RNF150: variants seen among roughly 807,000 people sequenced by gnomAD.
RNF150 encodes ring finger protein 150.
Under a neutral mutation model 39.3 loss-of-function variants are expected in RNF150, and 24 were observed. That is an observed-to-expected ratio of 0.61 (90% CI 0.44 to 0.86). The LOEUF (loss-of-function observed/expected upper bound fraction) is 0.86. Among genes scored for constraint, RNF150 ranks in the 40% least tolerant of loss-of-function variants. The probability of loss-of-function intolerance (pLI) is 0.00; values close to 1 mark genes in which losing one functional copy is unlikely to be tolerated. For missense variants in RNF150, 502 were observed against 587.8 expected, an observed-to-expected ratio of 0.85 and a Z score of 1.51; for synonymous variants, 255 against 227.3, an observed-to-expected ratio of 1.12 and a Z score of -1.10.
At chr4:140,957,970 C>A (rs572643046) in intron 2 of RNF150, among the ~76,000 whole-genome samples, 1 of 151,658 alleles carries the variant, frequency 6.6e-6, no homozygotes, top group South Asian at 2.1e-4. Context: ...GTGTAGCGCA[C>A]CAGCATGGCA....
intron 1 of RNF150, among the ~76,000 whole-genome samples, chr4:140,974,014 T>G (rs1281766213): frequency 6.6e-6 from 1 of 152,018 alleles, no homozygotes; most frequent in African/African-American, 2.4e-5. Context: ...AAAATATAAT[T>G]AAGTAGATTA....
intron 1 of RNF150, among the ~76,000 whole-genome samples, chr4:141,195,117 C>CAT (rs1728180247): frequency 6.6e-6 from 1 of 151,860 alleles, no homozygotes; most frequent in African/African-American, 2.4e-5. Context: ...TACACACACA[C>CAT]ACACACACAC....
intron 2 of RNF150, among the ~76,000 whole-genome samples, chr4:140,960,880 G>GTA (rs1732993906): frequency 1.3e-5 from 2 of 152,094 alleles, no homozygotes; most frequent in South Asian, 2.1e-4. Context: ...CACTAAACGT[G>GTA]ACCCATTTAA....
rs1737257539 is a variant in RNF150, at chr4:141,062,175, A to T, written c.484+70150T>A. Among the ~76,000 whole-genome samples the T allele has an allele frequency of 2.0e-5, 3 of 152,264 alleles. No homozygotes were observed. In the South Asian group the frequency reaches 6.2e-4, roughly 32 times the overall value. The stretch of plus-strand genomic sequence containing the variant: ...ATCCATTATGCTCAGGTAACATAAG[A>T]TGTGGAAGAAACACTATATTCAAAT... On this transcript the variant is annotated intron_variant, in intron 1 of 6. Coordinates refer to ENST00000515673, the MANE Select transcript of RNF150 (RefSeq NM_020724.2).
chr4:141,072,000 A>G (rs2110952664), intron 1 of RNF150, among the ~76,000 whole-genome samples: 2 of 152,312 alleles, frequency 1.3e-5, no homozygotes, highest in Middle Eastern at 6.8e-3. Context: ...GTGCATATCA[A>G]TCACCCTGGA....
chr4:141,133,936 A>C (rs1384891798), upstream of RNF150, among the ~76,000 whole-genome samples: 7 of 152,170 alleles, frequency 4.6e-5, no homozygotes, highest in East Asian at 9.6e-4. Context: ...GTAGGGCCCC[A>C]AAAATATGCA....
chr4:140,900,833 TATAC>T (rs1560955612), intron 6 of RNF150, among the ~76,000 whole-genome samples: 2 of 152,062 alleles, frequency 1.3e-5, no homozygotes, highest in Admixed American at 1.3e-4. Flanking sequence ...TATATATATA[TATAC>T]ATATCGATTC....
chr4:141,042,235 G>A (rs1736399820), intron 1 of RNF150, among the ~76,000 whole-genome samples: 1 of 152,048 alleles, frequency 6.6e-6, no homozygotes, highest in African/African-American at 2.4e-5. Context: ...TTTACATTTG[G>A]AGATTGTAAG....
intron 6 of RNF150, among the ~76,000 whole-genome samples, chr4:140,904,170 C>T (rs1181548301): frequency 6.6e-6 from 1 of 152,134 alleles, no homozygotes; most frequent in Admixed American, 6.5e-5. Context: ...CTAGAGGGCT[C>T]AGAAGCAAGG....
intron 4 of RNF150, among the ~76,000 whole-genome samples, chr4:140,938,214 A>T (rs1731933810): frequency 6.6e-6 from 1 of 152,176 alleles, no homozygotes; most frequent in Non-Finnish European, 1.5e-5. Flanking sequence ...TTAAGGGGCT[A>T]GTGTCTTTTT....
At chr4:141,043,277 G>C (rs2110864757) in intron 1 of RNF150, among the ~76,000 whole-genome samples, 1 of 152,016 alleles carries the variant, frequency 6.6e-6, no homozygotes, top group East Asian at 1.9e-4. Flanking sequence ...GAAGGAGAGG[G>C]GTGGGCCACA....
At chr4:140,931,930 G>A (rs1437292460) in intron 4 of RNF150, among the ~76,000 whole-genome samples, 2 of 152,142 alleles carry the variant, frequency 1.3e-5, no homozygotes, top group Non-Finnish European at 2.9e-5. Flanking sequence ...ACCTATATGT[G>A]TGATTCCCTC....
chr4:141,088,135 T>A (rs1738437980), intron 1 of RNF150, among the ~76,000 whole-genome samples: 1 of 152,306 alleles, frequency 6.6e-6, no homozygotes, highest in Non-Finnish European at 1.5e-5. Flanking sequence ...CAAAAACTAC[T>A]TTTCATTTTC....
intron 1 of RNF150, among the ~76,000 whole-genome samples, chr4:141,175,684 TTTAG>T (rs1454995721): frequency 6.6e-6 from 1 of 152,208 alleles, no homozygotes; most frequent in Non-Finnish European, 1.5e-5. Context: ...TACTGAATGT[TTTAG>T]TTAGGGCTAC....
At chr4:140,999,942 A>AAGAAGAAG (rs1553935621) in intron 1 of RNF150, among the ~76,000 whole-genome samples, 6 of 34,526 alleles carry the variant, frequency 1.7e-4, no homozygotes, top group Non-Finnish European at 3.9e-4. Context: ...GGTCTCAAAA[A>AAGAAGAAG]AAGAAGAAGA....
At chr4:141,164,707 G>A (rs1727570793) in intron 1 of RNF150, among the ~76,000 whole-genome samples, 1 of 152,162 alleles carries the variant, frequency 6.6e-6, no homozygotes, top group South Asian at 2.1e-4. Context: ...ACCAAATTAA[G>A]CTTCATAAGT....
At chr4:140,917,429 A>G (rs573756089) in intron 5 of RNF150, among the ~76,000 whole-genome samples, 81 of 152,320 alleles carry the variant, frequency 5.3e-4, no homozygotes, top group African/African-American at 1.9e-3. Flanking sequence ...AACAAAGATC[A>G]AAAGAGACAA....
At chr4:140,961,785 G>C (rs13101914) in intron 2 of RNF150, among the ~76,000 whole-genome samples, 2 of 151,774 alleles carry the variant, frequency 1.3e-5, no homozygotes, top group Admixed American at 1.3e-4. Context: ...TTAACAAACT[G>C]GGAGGAGAAT....
At chr4:140,925,654 G>A (rs1731369270) in intron 5 of RNF150, among the ~76,000 whole-genome samples, 1 of 152,140 alleles carries the variant, frequency 6.6e-6, no homozygotes, top group Admixed American at 6.5e-5. Context: ...TGCTCAGTGT[G>A]CAACTGGCCC....
Sources: allele counts gnomAD v4.1 joint callset (sites outside exome capture counted in the v4.1 genomes callset), GRCh38; gene constraint gnomAD v4.1.1; transcripts MANE v1.5; gene names NCBI Gene and HGNC (gene_info 2026-07-23, HGNC 2026-07-21).